ZBTB38: variants seen among roughly 807,000 people sequenced by gnomAD.
The protein encoded by ZBTB38 is zinc finger and BTB domain containing 38.
Under a neutral mutation model 76.8 loss-of-function variants are expected in ZBTB38, and 20 were observed. The observed-to-expected ratio is 0.26, with a 90% CI of 0.18 to 0.38. The LOEUF is 0.38. Ranked by LOEUF, ZBTB38 falls within the 10% of genes least tolerant of loss-of-function variation. The pLI, the probability that ZBTB38 is intolerant of heterozygous loss-of-function variation, is 1.00. For missense variants in ZBTB38, 1,082 were observed against 1,482.3 expected, an observed-to-expected ratio of 0.73 and a Z score of 4.43; for synonymous variants, 504 against 544.2, an observed-to-expected ratio of 0.93 and a Z score of 1.03.
chr3:141,411,808 A>G (rs954994612), intron 5 of ZBTB38, among the ~76,000 whole-genome samples: 1 of 152,220 alleles, frequency 6.6e-6, no homozygotes, highest in African/African-American at 2.4e-5. Flanking sequence ...GAAGCACCAT[A>G]AATTACCTAA....
At chr3:141,415,852 C>T (rs527877767) in intron 5 of ZBTB38, among the ~76,000 whole-genome samples, 2 of 152,318 alleles carry the variant, frequency 1.3e-5, no homozygotes, top group East Asian at 3.9e-4. Context: ...CTCCAGCCCC[C>T]ACTGACCTTC....
chr3:141,402,259 C>A (rs1952304197), intron 4 of ZBTB38: 1 of 151,732 alleles, frequency 6.6e-6, no homozygotes, highest in Non-Finnish European at 1.5e-5. Context: ...CGCGGGGCTG[C>A]GGGTCGGGCC....
At chr3:141,397,354 C>T (rs920504689) in intron 4 of ZBTB38, among the ~76,000 whole-genome samples, 7 of 152,170 alleles carry the variant, frequency 4.6e-5, no homozygotes, top group Non-Finnish European at 8.8e-5. Context: ...GATTAGGCTT[C>T]GGCTAAAGGG....
In ZBTB38 at chr3:141,330,250, T is replaced by G. The variant is rs1170121177; in HGVS notation, c.-739+5794T>G. ...CAGCTGACAGCTTTCTCATCAGTGC[T>G]GGGTCACTGGCTGCAGCTGCAATTA... On this transcript the variant is annotated intron_variant, in intron 1 of 7. Transcript: ENST00000509842. Among the ~76,000 whole-genome samples the G allele has an allele frequency of 2.6e-5, 4 of 152,300 alleles. No homozygotes were observed. The South Asian group carries it at 8.3e-4, about 32-fold the overall frequency.
intron 5 of ZBTB38, among the ~76,000 whole-genome samples, chr3:141,430,266 C>A (rs575156040): frequency 1.3e-5 from 2 of 152,114 alleles, no homozygotes; most frequent in South Asian, 4.2e-4. Flanking sequence ...GGGGTTTTGC[C>A]ATGTTGGTCA....
chr3:141,448,554 A>T lies in ZBTB38; in HGVS notation c.*2578A>T, dbSNP rs1168253278. On this transcript the variant is annotated 3_prime_UTR_variant, in exon 6 of 6. Coordinates refer to ENST00000321464, the MANE Select transcript of ZBTB38 (RefSeq NM_001376113.1). Reference sequence around the variant, plus strand: ...GTGAACATACTGTATGCTGTACAAGATATAATGTAACTTGCTGTTTTAGCA... The same window carrying T: ...GTGAACATACTGTATGCTGTACAAGTTATAATGTAACTTGCTGTTTTAGCA... 1 of 152,512 alleles carries T rather than the reference A, an allele frequency of 6.6e-6. No homozygotes were observed. The highest frequency in any genetic ancestry group is 1.5e-5 in the Non-Finnish European group (1 of 68,038). 9.4% of individuals were successfully genotyped at this position (152,512 alleles called of 1,614,324 possible). A position where few individuals can be genotyped will look rare whatever the true frequency, so the allele number is the denominator to read the frequency against.
intron 5 of ZBTB38, among the ~76,000 whole-genome samples, chr3:141,412,136 T>C (rs1956875854): frequency 6.6e-6 from 1 of 152,210 alleles, no homozygotes; most frequent in East Asian, 1.9e-4. Context: ...GAGGTTCCTT[T>C]GCTCAGAGAG....
intron 5 of ZBTB38, chr3:141,434,270 A>G (rs1254956824): frequency 3.3e-5 from 30 of 912,130 alleles, no homozygotes; most frequent in Admixed American, 1.2e-4. Flanking sequence ...ACTGGGAGAG[A>G]AGGATAATCT....
intron 5 of ZBTB38, among the ~76,000 whole-genome samples, chr3:141,404,786 AT>A (rs1953767726): frequency 6.6e-6 from 1 of 152,334 alleles, no homozygotes; most frequent in African/African-American, 2.4e-5. Flanking sequence ...CTCATACTGC[AT>A]GTATGAAGAC....
intron 1 of ZBTB38, among the ~76,000 whole-genome samples, chr3:141,329,027 T>C (rs992428196): frequency 1.3e-5 from 2 of 152,190 alleles, no homozygotes; most frequent in Admixed American, 6.5e-5. Flanking sequence ...AGCTCTGCCA[T>C]TGCTCTCATT....
rs189967893 is a variant in ZBTB38, at chr3:141,419,445, G to A, written c.-1+15414G>A. Among the ~76,000 whole-genome samples, 206 of 152,236 alleles carry A rather than the reference G, an allele frequency of 1.4e-3. 2 individuals are homozygous for A. Among genetic ancestry groups the A allele is most frequent in the African/African-American group, 4.6e-3 (189 of 41,524 alleles). ...AAGCATACCAACCAAAAGATGAGAT[G>A]GTGGTTTATATTTGCTAATGTTTAG... On this transcript the variant is annotated intron_variant, in intron 5 of 5. Transcript: ENST00000321464.
chr3:141,370,320 T>C (rs1944357122), intron 2 of ZBTB38, among the ~76,000 whole-genome samples: 1 of 152,196 alleles, frequency 6.6e-6, no homozygotes, highest in East Asian at 1.9e-4. Flanking sequence ...AAAGTGCACA[T>C]GGGAGTTTTT....
At chr3:141,368,870 TCC>T (rs1944114051) in intron 1 of ZBTB38, 66 bp downstream of exon 1, 1 of 151,568 alleles carries the variant, frequency 6.6e-6, no homozygotes, top group African/African-American at 2.4e-5. Flanking sequence ...GCCATCTTGT[TCC>T]CTGACGCCTA....
At chr3:141,403,875 A>G (rs1201443406) in intron 4 of ZBTB38, 52 bp from the exon 5 acceptor site, 3 of 152,212 alleles carry the variant, frequency 2.0e-5, no homozygotes, top group Admixed American at 1.3e-4. Flanking sequence ...TTGCTAAAAG[A>G]TGAAATCCTA....
chr3:141,357,582 T>G (rs1943699490), intron 1 of ZBTB38, among the ~76,000 whole-genome samples: 1 of 152,228 alleles, frequency 6.6e-6, no homozygotes, highest in Non-Finnish European at 1.5e-5. Context: ...CAGGCTTGAG[T>G]GCAGTGGCGC....
At chr3:141,415,635 T>A (rs1313186937) in intron 5 of ZBTB38, among the ~76,000 whole-genome samples, 1 of 152,232 alleles carries the variant, frequency 6.6e-6, no homozygotes, top group Non-Finnish European at 1.5e-5. Flanking sequence ...ACATAGAGAT[T>A]GGCCTATGTA....
intron 4 of ZBTB38, among the ~76,000 whole-genome samples, chr3:141,392,460 T>C (rs1050562419): frequency 1.3e-5 from 2 of 152,240 alleles, no homozygotes; most frequent in African/African-American, 4.8e-5. Flanking sequence ...AGTACAATTG[T>C]GTATCCTCCC....
chr3:141,440,942 G>A (rs561920415), intron 5 of ZBTB38, among the ~76,000 whole-genome samples: 1 of 150,750 alleles, frequency 6.6e-6, no homozygotes, highest in Non-Finnish European at 1.5e-5. Flanking sequence ...GCTGAGGCAG[G>A]AGAGTCGCTT....
intron 5 of ZBTB38, among the ~76,000 whole-genome samples, chr3:141,428,539 G>GT (rs984991109): frequency 1.3e-5 from 2 of 152,106 alleles, no homozygotes; most frequent in Non-Finnish European, 2.9e-5. Flanking sequence ...CCAGGCTGGA[G>GT]TACAGTGGCA....
Sources: gnomAD v4.1 joint callset for allele counts (sites outside exome capture counted in the v4.1 genomes callset) on GRCh38, gnomAD v4.1.1 for gene constraint, MANE v1.5 for transcripts, NCBI Gene and HGNC (gene_info 2026-07-23, HGNC 2026-07-21) for gene names.